The following LINGO2 variants were observed in gnomAD, a reference collection of about 807,000 sequenced individuals.
LINGO2 encodes leucine-rich repeat and immunoglobulin-like domain-containing nogo receptor-interacting protein 2.
In LINGO2, 14 loss-of-function variants were observed where a neutral mutation model predicts 30.6. That is an observed-to-expected ratio of 0.46 (90% confidence interval 0.30 to 0.72). The LOEUF (loss-of-function observed/expected upper bound fraction) is 0.72. LINGO2 is among the 30% of genes least tolerant of loss of function. The probability of loss-of-function intolerance (pLI) is 0.07; values close to 1 mark genes in which losing one functional copy is unlikely to be tolerated. For synonymous variants in LINGO2, 317 were observed against 288.5 expected, an observed-to-expected ratio of 1.10 and a Z score of -1.00; for missense variants, 729 against 751.7, an observed-to-expected ratio of 0.97 and a Z score of 0.35.
intron 4 of LINGO2, among the ~76,000 whole-genome samples, chr9:28,022,882 G>GT (rs1823201711): frequency 6.7e-6 from 1 of 150,154 alleles, no homozygotes; most frequent in Non-Finnish European, 1.5e-5. Flanking sequence ...GTTTTGTTTT[G>GT]TTTTTCAGTT....
the LINGO2 span, among the ~76,000 whole-genome samples, chr9:28,688,299 A>C: frequency 6.6e-6 from 1 of 152,314 alleles, no homozygotes; most frequent in African/African-American, 2.4e-5. Context: ...CTTAGAAGGA[A>C]AGCCTTAAAG....
intron 4 of LINGO2, among the ~76,000 whole-genome samples, chr9:28,061,369 A>G (rs67469435): frequency 0.15 from 22,311 of 151,520 alleles, 1,709 homozygotes; most frequent in Middle Eastern, 0.24. Context: ...ATGTAACATA[A>G]CTACGCCTCA....
chr9:28,447,394 C>T (rs761376080), intron 2 of LINGO2, among the ~76,000 whole-genome samples: 5 of 152,156 alleles, frequency 3.3e-5, no homozygotes, highest in Non-Finnish European at 2.9e-5. Context: ...GTACCATGTG[C>T]GAACCAGAAG....
chr9:27,994,843 G>GTGC (rs1821577259), intron 5 of LINGO2, among the ~76,000 whole-genome samples: 1 of 152,136 alleles, frequency 6.6e-6, no homozygotes. Flanking sequence ...AACTCTCAGG[G>GTGC]TGCTGCTGGC....
chr9:28,023,418 A>T (rs1823230809), intron 4 of LINGO2, among the ~76,000 whole-genome samples: 1 of 152,266 alleles, frequency 6.6e-6, no homozygotes, highest in East Asian at 1.9e-4. Context: ...CATTAAGTAG[A>T]ATCTATGCCT....
At chr9:28,283,939 C>T (rs1281877313) in intron 4 of LINGO2, among the ~76,000 whole-genome samples, 2 of 152,078 alleles carry the variant, frequency 1.3e-5, no homozygotes, top group Admixed American at 6.5e-5. Context: ...TAATTTCATG[C>T]TAAACTTTAT....
chr9:29,098,255 T>C, the LINGO2 span, among the ~76,000 whole-genome samples: 405 of 152,320 alleles, frequency 2.7e-3, 3 homozygotes, highest in African/African-American at 9.1e-3. Context: ...ATATGACAAC[T>C]ATTGCTCCTG....
At chr9:28,315,696 T>C (rs534107816) in intron 3 of LINGO2, among the ~76,000 whole-genome samples, 1 of 152,306 alleles carries the variant, frequency 6.6e-6, no homozygotes, top group East Asian at 1.9e-4. Context: ...CCAAGTGGAA[T>C]GTGGCACTCC....
chr9:28,714,046 G>A, the LINGO2 span, among the ~76,000 whole-genome samples: 1 of 151,386 alleles, frequency 6.6e-6, no homozygotes, highest in Non-Finnish European at 1.5e-5. Context: ...GCAATCCCAG[G>A]TACTCGGGAG....
At chr9:28,855,711 G>C in the LINGO2 span, among the ~76,000 whole-genome samples, 3 of 151,928 alleles carry the variant, frequency 2.0e-5, no homozygotes, top group East Asian at 5.8e-4. Context: ...CCCTTCATGA[G>C]AGTAAAACAT....
downstream of LINGO2, among the ~76,000 whole-genome samples, chr9:27,947,639 C>T (rs1823418815): frequency 6.6e-6 from 1 of 152,172 alleles, no homozygotes; most frequent in African/African-American, 2.4e-5. Context: ...AAGTAGAGAA[C>T]ATCAGAGTGG....
intron 4 of LINGO2, among the ~76,000 whole-genome samples, chr9:28,051,272 A>G (rs113235795): frequency 6.6e-6 from 1 of 152,200 alleles, no homozygotes; most frequent in African/African-American, 2.4e-5. Context: ...AGCTAGATAC[A>G]GTATTGGGTC....
chr9:28,813,348 T>C, the LINGO2 span, among the ~76,000 whole-genome samples: 1 of 152,160 alleles, frequency 6.6e-6, no homozygotes, highest in South Asian at 2.1e-4. Context: ...TGGTAAGAGA[T>C]TAACTAATAA....
chr9:28,509,786 A>C (rs566521653), intron 1 of LINGO2, among the ~76,000 whole-genome samples: 1 of 152,238 alleles, frequency 6.6e-6, no homozygotes, highest in Admixed American at 6.5e-5. Flanking sequence ...AATTGCAAGG[A>C]AATAAAAGTT....
At chr9:28,556,392 C>T (rs1024945825) in intron 1 of LINGO2, among the ~76,000 whole-genome samples, 7 of 152,032 alleles carry the variant, frequency 4.6e-5, no homozygotes, top group Non-Finnish European at 7.3e-5. Context: ...AACTCCCACT[C>T]ACAATTGCTT....
intron 4 of LINGO2, among the ~76,000 whole-genome samples, chr9:28,094,564 T>C (rs1489617077): frequency 6.6e-6 from 1 of 152,020 alleles, no homozygotes; most frequent in Non-Finnish European, 1.5e-5. Flanking sequence ...TATTTCATTT[T>C]ATTTATATGT....
chr9:29,187,688 C>T, the LINGO2 span, among the ~76,000 whole-genome samples: 2 of 150,954 alleles, frequency 1.3e-5, no homozygotes. Flanking sequence ...CTCTGGTGTA[C>T]ATATATAAAA....
chr9:28,015,293 T>G (rs1822771286), intron 4 of LINGO2, among the ~76,000 whole-genome samples: 1 of 152,152 alleles, frequency 6.6e-6, no homozygotes, highest in Non-Finnish European at 1.5e-5. Flanking sequence ...ACAAATTTCT[T>G]GTAGTATTGA....
chr9:28,751,247 T>C, the LINGO2 span, among the ~76,000 whole-genome samples: 2 of 132,932 alleles, frequency 1.5e-5, no homozygotes, highest in African/African-American at 2.8e-5. Flanking sequence ...GCTATGATTA[T>C]GTCACTGCAC....
Sources: allele counts gnomAD v4.1 joint callset (sites outside exome capture counted in the v4.1 genomes callset), GRCh38; gene constraint gnomAD v4.1.1; transcripts MANE v1.5; gene names NCBI Gene and HGNC (gene_info 2026-07-23, HGNC 2026-07-21).